Variants in DZANK1 observed in about 807,000 individuals in gnomAD.
DZANK1 encodes double zinc ribbon and ankyrin repeat domains 1.
In DZANK1, 91 loss-of-function variants were observed where a neutral mutation model predicts 94.5. The ratio of observed to expected loss-of-function variants is 0.96; its 90% CI spans 0.81 to 1.15. The LOEUF (loss-of-function observed/expected upper bound fraction) is 1.15, where lower values mean the gene tolerates loss of function less well. DZANK1 is among the 50% of genes most tolerant of loss of function. The pLI is 0.00. For synonymous variants in DZANK1, 312 were observed against 325.3 expected (o/e 0.96, Z 0.44); for missense variants, 903 against 916.4 (o/e 0.99, Z 0.19).
At chr20:18,459,429 T>C (rs1173830011) in intron 3 of DZANK1, among the ~76,000 whole-genome samples, 2 of 152,150 alleles carry the variant, frequency 1.3e-5, no homozygotes, top group Non-Finnish European at 2.9e-5. Flanking sequence ...CTAGAGTCCT[T>C]TAAAGTACCT....
intron 6 of DZANK1, chr20:18,452,066 GGGT>G: frequency 3.8e-6 from 1 of 263,660 alleles, no homozygotes; most frequent in Non-Finnish European, 6.7e-6. Context: ...AATCATTTAG[GGGT>G]GGTTTTTTTT....
At chr20:18,410,831 C>T (rs1477066343) in intron 13 of DZANK1, among the ~76,000 whole-genome samples, 1 of 152,090 alleles carries the variant, frequency 6.6e-6, no homozygotes, top group Non-Finnish European at 1.5e-5. Context: ...TGTGCCTGTG[C>T]TCCCAGCTAC....
At chr20:18,439,472 T>C (rs1388287318) in intron 8 of DZANK1, among the ~76,000 whole-genome samples, 1 of 152,200 alleles carries the variant, frequency 6.6e-6, no homozygotes, top group Non-Finnish European at 1.5e-5. Flanking sequence ...GACCAGGCGA[T>C]ACACTAGAAG....
intron 13 of DZANK1, among the ~76,000 whole-genome samples, chr20:18,400,705 T>G (rs958720725): frequency 6.6e-6 from 1 of 152,206 alleles, no homozygotes; most frequent in Non-Finnish European, 1.5e-5. Context: ...GAGATCATAC[T>G]GAGCCTAGTG....
intron 12 of DZANK1, among the ~76,000 whole-genome samples, chr20:18,413,733 T>C (rs2148445574): frequency 6.6e-6 from 1 of 152,074 alleles, no homozygotes; most frequent in East Asian, 1.9e-4. Flanking sequence ...TGAGCCAAAA[T>C]TGCACCATTG....
chr20:18,400,543 T>C (rs1475864725), intron 13 of DZANK1, among the ~76,000 whole-genome samples: 1 of 152,090 alleles, frequency 6.6e-6, no homozygotes, highest in African/African-American at 2.4e-5. Flanking sequence ...ATTATTTAAA[T>C]AAAACAGTGA....
intron 10 of DZANK1, chr20:18,420,244 C>A (rs73902464): frequency 5.0e-6 from 1 of 200,078 alleles, no homozygotes; most frequent in Non-Finnish European, 1.1e-5. Flanking sequence ...CCATGTCAAA[C>A]GTATAAGCTT....
At chr20:18,404,540 T>C (rs905485009) in intron 13 of DZANK1, among the ~76,000 whole-genome samples, 12 of 152,146 alleles carry the variant, frequency 7.9e-5, no homozygotes, top group African/African-American at 2.9e-4. Context: ...GATAGGTCAG[T>C]ACCCAGAGTT....
At chr20:18,388,894 T>C (rs1160881376) in intron 19 of DZANK1, among the ~76,000 whole-genome samples, 1 of 152,208 alleles carries the variant, frequency 6.6e-6, no homozygotes, top group Non-Finnish European at 1.5e-5. Flanking sequence ...TTGGCCTCCG[T>C]GGTAGCATGA....
intron 12 of DZANK1, among the ~76,000 whole-genome samples, chr20:18,413,651 G>A (rs1440750048): frequency 4.6e-5 from 7 of 152,028 alleles, no homozygotes; most frequent in East Asian, 3.9e-4. Flanking sequence ...ATGGTGGCAC[G>A]GGCCTGTAAT....
chr20:18,393,874 A>G, intron 16 of DZANK1, 63 bp from the exon 17 acceptor site: 1 of 1,093,550 alleles, frequency 9.1e-7, no homozygotes, highest in Non-Finnish European at 1.4e-6. Context: ...ACAAACAGTT[A>G]TTTCTTACTT....
At chr20:18,392,455 G>C (rs2148197919) in intron 17 of DZANK1, among the ~76,000 whole-genome samples, 1 of 152,352 alleles carries the variant, frequency 6.6e-6, no homozygotes, top group East Asian at 1.9e-4. Context: ...GGCGTTGAGG[G>C]CCTGGCCTTG....
intron 9 of DZANK1, chr20:18,433,248 T>C (rs1202404363): frequency 4.6e-6 from 1 of 217,436 alleles, no homozygotes; most frequent in African/African-American, 2.4e-5. Context: ...GCTTATCAAT[T>C]GTTACCCCAT....
At chr20:18,387,112 A>G (rs759849741) in intron 19 of DZANK1, among the ~76,000 whole-genome samples, 12 of 152,122 alleles carry the variant, frequency 7.9e-5, no homozygotes, top group Non-Finnish European at 5.9e-5. Flanking sequence ...CTTCACCCCT[A>G]TGGTTCCTTG....
intron 9 of DZANK1, among the ~76,000 whole-genome samples, chr20:18,429,695 T>C (rs1487100947): frequency 2.0e-5 from 3 of 152,244 alleles, no homozygotes; most frequent in Non-Finnish European, 1.5e-5. Flanking sequence ...TATGAACTTG[T>C]CTAAGTGATG....
At chr20:18,424,034 C>G (rs1265198629) in intron 10 of DZANK1, among the ~76,000 whole-genome samples, 1 of 151,886 alleles carries the variant, frequency 6.6e-6, no homozygotes, top group African/African-American at 2.4e-5. Flanking sequence ...AATTTACAAG[C>G]CAGACAGAGA....
At chr20:18,462,151 A>G (rs533407588) in intron 2 of DZANK1, among the ~76,000 whole-genome samples, 1 of 152,106 alleles carries the variant, frequency 6.6e-6, no homozygotes. Flanking sequence ...CTGAATACCT[A>G]TTATGTACCA....
intron 10 of DZANK1, among the ~76,000 whole-genome samples, chr20:18,423,307 G>A (rs903692021): frequency 4.6e-5 from 7 of 152,176 alleles, no homozygotes; most frequent in African/African-American, 1.4e-4. Flanking sequence ...ATTAAGTGAT[G>A]CATTACTATA....
chr20:18,414,387 G>T, exon 12 of DZANK1: 6 of 1,613,942 alleles, frequency 3.7e-6, no homozygotes, highest in Non-Finnish European at 5.1e-6. Flanking sequence ...CTAGAGCCAG[G>T]CTTCTGTCCA....
Sources: allele counts gnomAD v4.1 joint callset (sites outside exome capture counted in the v4.1 genomes callset), GRCh38; gene constraint gnomAD v4.1.1; transcripts MANE v1.5; gene names NCBI Gene and HGNC (gene_info 2026-07-23, HGNC 2026-07-21).